Variants in PTPRM observed in about 807,000 individuals in gnomAD.
PTPRM encodes protein tyrosine phosphatase receptor type M.
A neutral mutation model predicts 186.7 loss-of-function variants in PTPRM; 47 were observed. That is an observed-to-expected ratio of 0.25 (90% CI 0.20 to 0.32). The LOEUF is 0.32. Ranked by LOEUF, PTPRM falls within the 10% of genes least tolerant of loss-of-function variation. The pLI, the probability that PTPRM is intolerant of heterozygous loss-of-function variation, is 1.00. For synonymous variants in PTPRM, 668 were observed against 674.9 expected (o/e 0.99, Z 0.16); for missense variants, 1,494 against 1,865.0 (o/e 0.80, Z 3.66).
intron 14 of PTPRM, among the ~76,000 whole-genome samples, chr18:8,150,453 T>A (rs1424476140): frequency 6.6e-6 from 1 of 152,156 alleles, no homozygotes; most frequent in Non-Finnish European, 1.5e-5. Flanking sequence ...TTGATACTTG[T>A]GTATGCTTCA....
At chr18:7,589,091 T>C (rs1375383210) in intron 1 of PTPRM, among the ~76,000 whole-genome samples, 1 of 152,154 alleles carries the variant, frequency 6.6e-6, no homozygotes, top group African/African-American at 2.4e-5. Context: ...CCAGTGATCT[T>C]CCAGACTCAG....
chr18:7,884,039 C>T (rs1184968148), intron 2 of PTPRM, among the ~76,000 whole-genome samples: 3 of 152,022 alleles, frequency 2.0e-5, no homozygotes, highest in African/African-American at 7.2e-5. Context: ...CCCAGCTACT[C>T]GGGAGGCTGA....
At chr18:8,210,067 T>G (rs908299769) in intron 14 of PTPRM, among the ~76,000 whole-genome samples, 4 of 147,458 alleles carry the variant, frequency 2.7e-5, no homozygotes, top group African/African-American at 1.0e-4. Flanking sequence ...ATCCCAACAC[T>G]TTGGGAGGCT....
In PTPRM at chr18:8,394,465, T is replaced by G; in HGVS notation, c.4209-11T>G. 6.2e-7 allele frequency: 1 copy of G among 1,604,272 alleles called. No homozygotes were observed. Among genetic ancestry groups the G allele is most frequent in the Non-Finnish European group, 8.5e-7 (1 of 1,174,868 alleles). On this transcript the variant is annotated splice_polypyrimidine_tract_variant and intron_variant, in intron 31 of 32. Coordinates refer to ENST00000580170, the MANE Select transcript of PTPRM (RefSeq NM_001105244.2). ...AGACCGAGTGCAGTCATCTGATCTT[T>G]TTCACGACAGGAACGGGGGAGGCCG...
chr18:7,738,462 G>A (rs1402885325), intron 1 of PTPRM, among the ~76,000 whole-genome samples: 1 of 151,846 alleles, frequency 6.6e-6, no homozygotes, highest in Admixed American at 6.6e-5. Flanking sequence ...TTGAGACGGA[G>A]TCTCGCTCTG....
At chr18:8,133,485 G>C (rs1600744944) in intron 13 of PTPRM, among the ~76,000 whole-genome samples, 1 of 152,160 alleles carries the variant, frequency 6.6e-6, no homozygotes, top group Non-Finnish European at 1.5e-5. Flanking sequence ...AAATAGTTAA[G>C]TTCTGTGCAA....
At chr18:7,866,758 A>G (rs546155546) in intron 2 of PTPRM, among the ~76,000 whole-genome samples, 46 of 151,998 alleles carry the variant, frequency 3.0e-4, no homozygotes, top group Non-Finnish European at 4.4e-4. Flanking sequence ...TTTTCTTTCT[A>G]GTTGATCTGT....
At chr18:7,834,189 G>A (rs902069298) in intron 2 of PTPRM, among the ~76,000 whole-genome samples, 1 of 151,838 alleles carries the variant, frequency 6.6e-6, no homozygotes, top group Non-Finnish European at 1.5e-5. Flanking sequence ...TGAAATGATC[G>A]TATGGTTTTT....
At chr18:8,261,411 A>G (rs1415317378) in intron 19 of PTPRM, among the ~76,000 whole-genome samples, 1 of 152,176 alleles carries the variant, frequency 6.6e-6, no homozygotes, top group Admixed American at 6.5e-5. Flanking sequence ...AAACACTTCT[A>G]GAACTCTGAA....
chr18:7,849,635 A>G (rs546743289), intron 2 of PTPRM, among the ~76,000 whole-genome samples: 1 of 152,360 alleles, frequency 6.6e-6, no homozygotes, highest in East Asian at 1.9e-4. Context: ...GTTTCTTTGC[A>G]GCTATGATAT....
chr18:7,652,852 A>G (rs2038749949), intron 1 of PTPRM, among the ~76,000 whole-genome samples: 1 of 151,888 alleles, frequency 6.6e-6, no homozygotes, highest in Non-Finnish European at 1.5e-5. Context: ...ATGTATACAT[A>G]TGTAACTAAC....
chr18:7,899,637 A>G (rs1333763741), intron 3 of PTPRM, among the ~76,000 whole-genome samples: 1 of 152,070 alleles, frequency 6.6e-6, no homozygotes, highest in East Asian at 1.9e-4. Flanking sequence ...ACAAACAAAA[A>G]CCATTTAGTC....
intron 2 of PTPRM, among the ~76,000 whole-genome samples, chr18:7,795,097 G>C (rs370231817): frequency 2.0e-5 from 3 of 152,342 alleles, no homozygotes; most frequent in East Asian, 3.9e-4. Flanking sequence ...TGTACTAAGA[G>C]CTGATTCACG....
At chr18:8,300,055 G>T (rs2095139438) in intron 20 of PTPRM, among the ~76,000 whole-genome samples, 1 of 152,140 alleles carries the variant, frequency 6.6e-6, no homozygotes, top group Non-Finnish European at 1.5e-5. Context: ...GTTGTCAGAG[G>T]CGGGATGGGT....
chr18:8,248,254 G>A (rs1214715263), intron 17 of PTPRM, 78 bp downstream of exon 17: 6 of 1,316,150 alleles, frequency 4.6e-6, no homozygotes, highest in Non-Finnish European at 6.6e-6. Flanking sequence ...GGAGATTGGA[G>A]TTTTAATTCT....
chr18:8,327,079 C>T (rs2095381928), intron 22 of PTPRM, among the ~76,000 whole-genome samples: 1 of 152,156 alleles, frequency 6.6e-6, no homozygotes, highest in East Asian at 1.9e-4. Context: ...TTTCATTTCT[C>T]ACATGTGAAC....
intron 1 of PTPRM, among the ~76,000 whole-genome samples, chr18:7,735,864 G>A (rs1388304515): frequency 7.1e-6 from 1 of 141,152 alleles, no homozygotes; most frequent in Non-Finnish European, 1.5e-5. Flanking sequence ...TTTTCCTGTT[G>A]ACTTCAACTT....
chr18:7,571,164 T>A (rs1337570338), intron 1 of PTPRM, among the ~76,000 whole-genome samples: 1 of 152,052 alleles, frequency 6.6e-6, no homozygotes, highest in Non-Finnish European at 1.5e-5. Flanking sequence ...ATGGTCTCAA[T>A]CTCTTGACCT....
At chr18:8,314,138 T>G (rs917562442) in intron 20 of PTPRM, among the ~76,000 whole-genome samples, 1 of 152,206 alleles carries the variant, frequency 6.6e-6, no homozygotes, top group African/African-American at 2.4e-5. Context: ...ATAGTACTTA[T>G]GTGTCAATTT....
Sources: allele counts gnomAD v4.1 joint callset (sites outside exome capture counted in the v4.1 genomes callset), GRCh38; gene constraint gnomAD v4.1.1; transcripts MANE v1.5; gene names NCBI Gene and HGNC (gene_info 2026-07-23, HGNC 2026-07-21).